SNTG1: variants seen among roughly 807,000 people sequenced by gnomAD.
The protein encoded by SNTG1 is syntrophin gamma 1.
A neutral mutation model predicts 74.7 loss-of-function variants in SNTG1; 39 were observed. That is an observed-to-expected ratio of 0.52 (90% confidence interval 0.40 to 0.68). The LOEUF (loss-of-function observed/expected upper bound fraction) is 0.68, where lower values mean the gene tolerates loss of function less well. SNTG1 is among the 30% of genes least tolerant of loss of function. SNTG1 has a pLI of 0.00. For synonymous variants in SNTG1, 254 were observed against 217.1 expected (o/e 1.17, Z -1.49); for missense variants, 685 against 609.5 (o/e 1.12, Z -1.30).
chr8:49,987,086 C>A (rs1813233548), intron 1 of SNTG1, among the ~76,000 whole-genome samples: 1 of 152,116 alleles, frequency 6.6e-6, no homozygotes, highest in African/African-American at 2.4e-5. Flanking sequence ...TTTGGAAATT[C>A]TGAGTTTGAA....
intron 13 of SNTG1, among the ~76,000 whole-genome samples, chr8:50,646,212 C>T (rs752875504): frequency 2.6e-5 from 4 of 152,262 alleles, no homozygotes; most frequent in Middle Eastern, 3.4e-3. Flanking sequence ...CATTAATACA[C>T]AGCCTTACCG....
At chr8:50,454,185 G>A (rs1418725537) in intron 8 of SNTG1, among the ~76,000 whole-genome samples, 1 of 152,100 alleles carries the variant, frequency 6.6e-6, no homozygotes, top group African/African-American at 2.4e-5. Context: ...TGCTTAACAA[G>A]TAAACTGATC....
chr8:50,206,189 C>T (rs892448694), intron 2 of SNTG1, among the ~76,000 whole-genome samples: 4 of 152,150 alleles, frequency 2.6e-5, no homozygotes, highest in African/African-American at 9.7e-5. Context: ...ATTGATTCTT[C>T]CTATCCATGA....
intron 1 of SNTG1, among the ~76,000 whole-genome samples, chr8:49,925,562 C>A (rs948088656): frequency 6.6e-6 from 1 of 152,146 alleles, no homozygotes; most frequent in Non-Finnish European, 1.5e-5. Flanking sequence ...TGTTTTAGCA[C>A]CACAAATAAA....
chr8:50,581,688 A>G (rs2094610779), intron 12 of SNTG1, among the ~76,000 whole-genome samples: 2 of 152,296 alleles, frequency 1.3e-5, no homozygotes, highest in East Asian at 1.9e-4. Context: ...CAGTGTATCA[A>G]GTGAGGGAAG....
At chr8:49,966,444 G>C (rs1420632711) in intron 1 of SNTG1, among the ~76,000 whole-genome samples, 1 of 148,380 alleles carries the variant, frequency 6.7e-6, no homozygotes, top group East Asian at 2.0e-4. Flanking sequence ...CCTCAGGCTT[G>C]AGTGCAGTGG....
chr8:50,222,190 C>G (rs938574266), intron 2 of SNTG1, among the ~76,000 whole-genome samples: 3 of 152,144 alleles, frequency 2.0e-5, no homozygotes, highest in Non-Finnish European at 4.4e-5. Context: ...CTTGTGACCT[C>G]TGGAATAATG....
intron 1 of SNTG1, among the ~76,000 whole-genome samples, chr8:50,150,959 T>C (rs1169118915): frequency 6.6e-6 from 1 of 152,218 alleles, no homozygotes; most frequent in Non-Finnish European, 1.5e-5. Context: ...CTTTTTCTAT[T>C]GATTGGGATA....
chr8:50,011,872 T>C (rs1455699679), intron 1 of SNTG1: 1 of 152,224 alleles, frequency 6.6e-6, no homozygotes, highest in African/African-American at 2.4e-5. Context: ...TATGTTCTGA[T>C]GCAAGTGGCA....
Position 50,056,540 on chromosome 8 carries a change from C to T in SNTG1, c.-102-116021C>T, listed in dbSNP as rs552153964. Among the ~76,000 whole-genome samples the T allele has an allele frequency of 3.7e-4, 56 of 152,208 alleles. 1 individual carries two copies. In the South Asian group the frequency reaches 0.011, roughly 31 times the overall value. ...ATAGCCCAGTGGTTAAATTTTCAGG[C>T]CCTGGAGTGTGTCCAACTTCTTGGG... is the stretch of plus-strand genomic sequence containing the variant. On this transcript the variant is annotated intron_variant, in intron 1 of 18. Transcript: ENST00000642720.
Position 50,658,625 on chromosome 8 carries a change from A to T in SNTG1, c.1000A>T (p.Thr334Ser). The T allele has an allele frequency of 6.2e-7, 1 of 1,610,580 alleles. No individual in the cohort carries two copies. Among genetic ancestry groups the T allele is most frequent in the Non-Finnish European group, 8.5e-7 (1 of 1,177,584 alleles). The change falls in exon 15 of 19, where the codon ACA (threonine) becomes TCA (serine). Residue 334 changes from threonine (T) to serine (S), a missense_variant. Physicochemically the swap from Thr to Ser is moderately conservative, Grantham distance 58. Transcript: ENST00000642720. ...TTWDWTRAEKTFSVYEIMCKI... is the reference protein window; with the variant it reads ...TTWDWTRAEKSFSVYEIMCKI... ...CTGGGACTGGACGAGAGCAGAGAAA[A>T]CATTCTCAGTTTATGAGATTATGTG...
intron 1 of SNTG1, among the ~76,000 whole-genome samples, chr8:49,967,617 AT>A (rs1367988701): frequency 6.6e-6 from 1 of 152,164 alleles, no homozygotes; most frequent in African/African-American, 2.4e-5. Context: ...AGTAAATATA[AT>A]TTTTAGCCTT....
At chr8:50,502,701 C>T in intron 8 of SNTG1, 77 bp from the exon 9 acceptor site, 1 of 1,205,920 alleles carries the variant, frequency 8.3e-7, no homozygotes. Context: ...AAGAAACAAC[C>T]AATAATTTCA....
At chr8:50,484,149 T>TCTCC (rs1554542614) in intron 8 of SNTG1, among the ~76,000 whole-genome samples, 5 of 47,010 alleles carry the variant, frequency 1.1e-4, no homozygotes, top group Admixed American at 1.9e-4. Flanking sequence ...TCTTTCTTTC[T>TCTCC]TTCCTTCCTT....
chr8:50,759,264 G>A (rs1008036973), intron 18 of SNTG1, among the ~76,000 whole-genome samples: 1 of 152,008 alleles, frequency 6.6e-6, no homozygotes, highest in Non-Finnish European at 1.5e-5. Flanking sequence ...TAGGTGGCCT[G>A]TTCACTCTGA....
chr8:50,184,408 C>T (rs1216610901), intron 2 of SNTG1, among the ~76,000 whole-genome samples: 2 of 152,122 alleles, frequency 1.3e-5, no homozygotes, highest in Admixed American at 1.3e-4. Flanking sequence ...TCATGATCTG[C>T]CTCCCTTGGC....
Position 49,999,034 on chromosome 8 carries a change from G to A in SNTG1, c.-103+86803G>A, listed in dbSNP as rs562163282. 3.3e-5 allele frequency among the ~76,000 whole-genome samples: 5 copies of A among 152,224 alleles called. No individual in the cohort carries two copies. In the South Asian group the frequency reaches 1.0e-3, roughly 32 times the overall value. On this transcript the variant is annotated intron_variant, in intron 1 of 18. Coordinates refer to ENST00000642720, the MANE Select transcript of SNTG1 (RefSeq NM_018967.5). ...ACTGTGATGGCTACCATGTCACCAG[G>A]CGAATGGAAGTGTTCAACTCCTTTA...
At chr8:50,017,439 T>C (rs1046409665) in intron 1 of SNTG1, among the ~76,000 whole-genome samples, 1 of 151,664 alleles carries the variant, frequency 6.6e-6, no homozygotes, top group African/African-American at 2.4e-5. Context: ...ATAAACTAAA[T>C]TGAATAATTA....
At chr8:50,126,864 A>G (rs560125331) in intron 1 of SNTG1, among the ~76,000 whole-genome samples, 93 of 152,234 alleles carry the variant, frequency 6.1e-4, no homozygotes, top group African/African-American at 2.1e-3. Flanking sequence ...CAGGCTCCAC[A>G]AAGTGGTAGT....
Sources: allele counts gnomAD v4.1 joint callset (sites outside exome capture counted in the v4.1 genomes callset), GRCh38; gene constraint gnomAD v4.1.1; transcripts MANE v1.5; gene names NCBI Gene and HGNC (gene_info 2026-07-23, HGNC 2026-07-21).